The following MROH1 variants were observed in gnomAD, a reference collection of about 807,000 sequenced individuals.
The protein encoded by MROH1 is maestro heat like repeat family member 1, also known as maestro heat-like repeat-containing protein family member 1.
MROH1 carries 117 observed loss-of-function variants against 116.5 expected under a neutral mutation model. That is an observed-to-expected ratio of 1.00 (90% CI 0.86 to 1.17). The LOEUF is 1.17. Ranked by LOEUF, MROH1 falls within the 50% of genes most tolerant of loss-of-function variation. The pLI is 0.00. For missense variants in MROH1, 1,873 were observed against 1,338.5 expected, an observed-to-expected ratio of 1.40 and a Z score of -6.23; for synonymous variants, 921 against 583.9, an observed-to-expected ratio of 1.58 and a Z score of -8.32.
At chr8:144,238,922 C>T (rs1244936811) in intron 15 of MROH1, 59 bp downstream of exon 15, 7 of 768,330 alleles carry the variant, frequency 9.1e-6, no homozygotes, top group African/African-American at 1.7e-5. Context: ...GGCAGTGGCC[C>T]AGGGTGCTCA....
chr8:144,183,898 C>T (rs1167304377), intron 7 of MROH1, among the ~76,000 whole-genome samples: 21 of 152,138 alleles, frequency 1.4e-4, no homozygotes, highest in South Asian at 2.1e-4. Context: ...CCGCCCGCCT[C>T]GGCCTCCCAA....
At chr8:144,159,486 A>G (rs1818965251) in intron 1 of MROH1, among the ~76,000 whole-genome samples, 1 of 152,212 alleles carries the variant, frequency 6.6e-6, no homozygotes, top group South Asian at 2.1e-4. Context: ...AAAAATGTTT[A>G]GGATACTTAA....
chr8:144,250,129 GC>G (rs1842612790), intron 32 of MROH1, 82 bp from the exon 33 acceptor site: 1 of 713,162 alleles, frequency 1.4e-6, no homozygotes, highest in Non-Finnish European at 2.5e-6. Flanking sequence ...CTCCCTCATG[GC>G]CCCACCCCCT....
chr8:144,198,108 C>T (rs527387516), intron 10 of MROH1, among the ~76,000 whole-genome samples: 3 of 152,122 alleles, frequency 2.0e-5, no homozygotes, highest in African/African-American at 4.8e-5. Context: ...AACGTAGAGC[C>T]GAGCCCTGGG....
rs1327502496 is a variant in MROH1, at chr8:144,156,883, A to G, written c.-176-4087A>G. ...TTGCAAACTCTGCTTCCTGGGTTCA[A>G]GCAATTCTCTTGCCTCAGCCTCCTG... is the stretch of plus-strand genomic sequence containing the variant. On this transcript the variant is annotated intron_variant, in intron 1 of 43. Transcript: ENST00000326134. Among the ~76,000 whole-genome samples, 569 of 149,652 alleles carry G rather than the reference A, an allele frequency of 3.8e-3. 1 individual carries two copies. Among genetic ancestry groups the G allele is most frequent in the African/African-American group, 0.012 (500 of 40,666 alleles).
At chr8:144,234,498 G>GTTTTTGTTTTTTTTTTTTTTTTTTTTT (rs1839621583) in intron 14 of MROH1, among the ~76,000 whole-genome samples, 25 of 18,102 alleles carry the variant, frequency 1.4e-3, no homozygotes, top group Middle Eastern at 0.033. Context: ...TTTCTTTTTC[G>GTTTTTGTTTTTTTTTTTTTTTTTTTTT]TTTTTTTTTT....
intron 3 of MROH1, among the ~76,000 whole-genome samples, chr8:144,166,699 A>T (rs551184117): frequency 6.6e-6 from 1 of 151,776 alleles, no homozygotes; most frequent in South Asian, 2.1e-4. Context: ...CTGTGAGTAC[A>T]AGTGGGGCTG....
Position 144,220,718 on chromosome 8 carries a change from C to T in MROH1, c.1215+45C>T, listed in dbSNP as rs766419008. On this transcript the variant is annotated intron_variant, in intron 13 of 43. Coordinates refer to ENST00000326134, the MANE Select transcript of MROH1 (RefSeq NM_032450.3). Reference sequence around the variant, plus strand: ...CCAGGCTGCACCACCACACCACAGGCAGCTGCAGGGTGTGGCCAGGCTGTG... The same window carrying T: ...CCAGGCTGCACCACCACACCACAGGTAGCTGCAGGGTGTGGCCAGGCTGTG... 2.0e-6 allele frequency: 3 copies of T among 1,514,758 alleles called. No homozygotes were observed. The Admixed American group carries it at 5.9e-5, about 30-fold the overall frequency. 93.8% of individuals were successfully genotyped at this position (1,514,758 alleles called of 1,614,324 possible).
At position 144,163,752 on chromosome 8, in the gene MROH1, G is replaced by A. The variant is rs1820111038; in HGVS notation, c.-56-19G>A. On this transcript the variant is annotated intron_variant, in intron 2 of 43. Transcript: ENST00000326134. The surrounding 1 kb of genome is among the most constrained non-coding windows in gnomAD (Gnocchi z 4.4). ...CGTAGAGGCTTATGAATTAAATCTT[G>A]TGATTTTGGTTATTCCAGATGGGAG... The A allele has an allele frequency of 6.6e-7, 1 of 1,511,284 alleles. No individual in the cohort carries two copies. Among genetic ancestry groups the A allele is most frequent in the Admixed American group, 1.7e-5 (1 of 57,722 alleles). 93.6% of individuals were successfully genotyped at this position (1,511,284 alleles called of 1,614,324 possible).
intron 29 of MROH1, among the ~76,000 whole-genome samples, chr8:144,246,577 G>A (rs1355436509): frequency 6.6e-6 from 1 of 152,144 alleles, no homozygotes. Flanking sequence ...AAGAACAATG[G>A]CTGGTCACCC....
At chr8:144,237,510 CCT>C (rs1491416039) in intron 14 of MROH1, among the ~76,000 whole-genome samples, 12 of 152,154 alleles carry the variant, frequency 7.9e-5, no homozygotes, top group Admixed American at 2.0e-4. Context: ...ATTTCTTGCC[CCT>C]GTTTTTGTGT....
chr8:144,232,835 T>TTTA, intron 14 of MROH1, among the ~76,000 whole-genome samples: 1 of 140,158 alleles, frequency 7.1e-6, no homozygotes, highest in Admixed American at 7.0e-5. Context: ...TATTTATTTA[T>TTTA]TTATTTTATG....
Position 144,180,406 on chromosome 8 carries a change from A to T in MROH1, c.464-19A>T. On this transcript the variant is annotated intron_variant, in intron 6 of 43. Transcript: ENST00000326134. This position sits in a 1 kb window ranked among gnomAD's most constrained non-coding sequence, Gnocchi z 7.4. The stretch of plus-strand genomic sequence containing the variant: ...CTGGAAGCCTTGGCGGAGGCCTTTG[A>T]CGGTGTCCTCTCTCACAGCGTTCGG... 1 of 1,612,344 alleles carries T rather than the reference A, an allele frequency of 6.2e-7. No individual in the cohort carries two copies. The highest frequency in any genetic ancestry group is 8.5e-7 in the Non-Finnish European group (1 of 1,179,598).
rs1842920165 is a variant in MROH1, at chr8:144,252,020, T to C, written c.3428+1654T>C. The C allele has an allele frequency of 3.2e-5, 7 of 217,184 alleles. No homozygotes were observed. In the South Asian group the frequency reaches 3.4e-4, roughly 11 times the overall value. The allele number at this position is 217,184 out of a possible 1,614,324, so 13.5% of individuals were successfully genotyped here. A position where few individuals can be genotyped will look rare whatever the true frequency, so the allele number is the denominator to read the frequency against. On this transcript the variant is annotated intron_variant, in intron 33 of 43. Transcript: ENST00000326134. The stretch of plus-strand genomic sequence containing the variant: ...GGGTGCTGCTGCCCATCCTTTCTCC[T>C]TGCCGGGTAGTGCCGGGTGCTGCTG...
Position 144,254,922 on chromosome 8 carries a change from C to T in MROH1, c.3538C>T (p.Arg1180Trp), listed in dbSNP as rs1052538747. 2,585 of 776,826 alleles carry T rather than the reference C, an allele frequency of 3.3e-3. 19 individuals carry two copies. Among genetic ancestry groups the T allele is most frequent in the Non-Finnish European group, 3.6e-3 (1,520 of 417,140 alleles). The allele number at this position is 776,826 out of a possible 1,614,324, so 48.1% of individuals were successfully genotyped here. The change falls in exon 34 of 44, where the codon CGG (arginine) becomes TGG (tryptophan). Residue 1180 changes from arginine to tryptophan, a missense_variant. Arg to Trp is a moderately radical substitution (Grantham distance 101). Transcript: ENST00000326134. ...TAGGGACGTCCCTTTCAAGGAGAGCCGGGCCTTCCTGCTGGGCCGCACCCC... is the reference window on the plus strand; with the variant it reads ...TAGGGACGTCCCTTTCAAGGAGAGCTGGGCCTTCCTGCTGGGCCGCACCCC... ...MSRDVPFKES[R>W]AFLLGRTPDR... is the part of the protein sequence containing the mutation.
chr8:144,220,779 C>T, intron 13 of MROH1, 106 bp downstream of exon 13: 1 of 892,726 alleles, frequency 1.1e-6, no homozygotes. Context: ...GGCCACCACC[C>T]TTGGCTGGAC....
chr8:144,242,026 AG>A (rs1841085974), intron 22 of MROH1, among the ~76,000 whole-genome samples: 1 of 152,200 alleles, frequency 6.6e-6, no homozygotes, highest in South Asian at 2.1e-4. Flanking sequence ...GCAGCGAGCA[AG>A]GGTGGGGCCT....
At chr8:144,212,985 G>T (rs1167926731) in intron 12 of MROH1, 1 of 773,598 alleles carries the variant, frequency 1.3e-6, no homozygotes. Context: ...GTTTGATCTC[G>T]TTACACAGGC....
chr8:144,150,496 G>A (rs901370773), intron 1 of MROH1, among the ~76,000 whole-genome samples: 3 of 152,194 alleles, frequency 2.0e-5, no homozygotes, highest in Admixed American at 6.6e-5. Flanking sequence ...TGTTGGGGCC[G>A]TTCTTCAGGT....
Sources: allele counts gnomAD v4.1 joint callset (sites outside exome capture counted in the v4.1 genomes callset), GRCh38; gene constraint gnomAD v4.1.1; non-coding constraint Gnocchi (gnomAD v3.1); transcripts MANE v1.5; gene names NCBI Gene and HGNC (gene_info 2026-07-23, HGNC 2026-07-21).